The following CSMD1 variants were observed in gnomAD, a reference collection of about 807,000 sequenced individuals.
CSMD1 encodes the protein CUB and Sushi multiple domains 1, also known as CUB and sushi domain-containing protein 1.
Under a neutral mutation model 417.5 loss-of-function variants are expected in CSMD1, and 213 were observed. That is an observed-to-expected ratio of 0.51 (90% confidence interval 0.46 to 0.57). The LOEUF is 0.57. Among genes scored for constraint, CSMD1 ranks in the 20% least tolerant of loss-of-function variants. CSMD1 has a pLI of 0.00. For synonymous variants in CSMD1, 2,862 were observed against 1,736.8 expected (o/e 1.65, Z -16.11); for missense variants, 6,923 against 4,529.7 (o/e 1.53, Z -15.17).
chr8:4,980,498 A>G (rs562257958), intron 1 of CSMD1, among the ~76,000 whole-genome samples: 22 of 152,312 alleles, frequency 1.4e-4, no homozygotes, highest in Admixed American at 5.9e-4. Flanking sequence ...TGTAAAATGA[A>G]AGGAGAATTC....
intron 5 of CSMD1, among the ~76,000 whole-genome samples, chr8:3,889,059 A>G (rs1296492143): frequency 6.6e-6 from 1 of 152,110 alleles, no homozygotes; most frequent in Non-Finnish European, 1.5e-5. Flanking sequence ...GGAGCTTAAT[A>G]TGTTAACTAT....
intron 1 of CSMD1, among the ~76,000 whole-genome samples, chr8:4,950,154 A>G (rs916965897): frequency 6.6e-6 from 1 of 152,176 alleles, no homozygotes; most frequent in Non-Finnish European, 1.5e-5. Flanking sequence ...CCCATGTAGC[A>G]CACTTTTGTA....
intron 3 of CSMD1, among the ~76,000 whole-genome samples, chr8:4,171,590 A>T (rs189533642): frequency 7.9e-5 from 12 of 151,798 alleles, no homozygotes; most frequent in African/African-American, 2.9e-4. Context: ...ATACTACACA[A>T]TTCCTTAGGG....
At chr8:4,443,718 G>A (rs1281331872) in intron 2 of CSMD1, among the ~76,000 whole-genome samples, 1 of 152,152 alleles carries the variant, frequency 6.6e-6, no homozygotes, top group Non-Finnish European at 1.5e-5. Flanking sequence ...GCAGCAGTTG[G>A]CTAAAGATGA....
At chr8:4,985,801 C>G (rs1444237479) in intron 1 of CSMD1, among the ~76,000 whole-genome samples, 5 of 151,740 alleles carry the variant, frequency 3.3e-5, no homozygotes, top group Non-Finnish European at 7.4e-5. Context: ...ATAGCTGAAA[C>G]CATAAGACAA....
At position 4,383,982 on chromosome 8, in the gene CSMD1, A is replaced by T. The variant is rs1030805589; in HGVS notation, c.415+35971T>A. On this transcript the variant is annotated intron_variant, in intron 3 of 69. Coordinates refer to ENST00000635120, the MANE Select transcript of CSMD1 (RefSeq NM_033225.6). The stretch of plus-strand genomic sequence containing the variant: ...CAGCTCTCTCAACAGCATACCCTTT[A>T]AGTAGCACTTGGACAAGAAGGATCC... 1.2e-4 allele frequency among the ~76,000 whole-genome samples: 18 copies of T among 152,144 alleles called. 1 individual carries two copies. The highest frequency in any genetic ancestry group is 1.2e-3 in the Admixed American group (18 of 15,256).
chr8:3,302,089 A>G (rs1002282547), intron 25 of CSMD1, among the ~76,000 whole-genome samples: 20 of 152,176 alleles, frequency 1.3e-4, no homozygotes, highest in African/African-American at 4.8e-4. Context: ...AACACTGAAG[A>G]CTAAAGTCTC....
At chr8:3,456,463 A>C (rs1255902608) in intron 12 of CSMD1, among the ~76,000 whole-genome samples, 1 of 152,146 alleles carries the variant, frequency 6.6e-6, no homozygotes, top group Non-Finnish European at 1.5e-5. Flanking sequence ...CTATTTTCTA[A>C]TACAATTTAG....
At position 3,934,837 on chromosome 8, in the gene CSMD1, A is replaced by G. The variant is rs537480898; in HGVS notation, c.818+63066T>C. Among the ~76,000 whole-genome samples, 24 of 152,226 alleles carry G rather than the reference A, an allele frequency of 1.6e-4. 1 individual carries two copies. In the South Asian group the frequency reaches 4.6e-3, roughly 29 times the overall value. ...ACTCCAGCCTGGGCAACAGAGCAAG[A>G]CTCTGTCTCAATAAATAAATTAATT... is the stretch of plus-strand genomic sequence containing the variant. On this transcript the variant is annotated intron_variant, in intron 5 of 69. Transcript: ENST00000635120.
intron 1 of CSMD1, among the ~76,000 whole-genome samples, chr8:4,696,199 G>C (rs1298592664): frequency 2.0e-5 from 3 of 152,150 alleles, no homozygotes; most frequent in Admixed American, 6.5e-5. Context: ...TATGCATATA[G>C]GATATGTTAT....
chr8:4,031,315 T>G (rs966956640), intron 4 of CSMD1, among the ~76,000 whole-genome samples: 10 of 152,206 alleles, frequency 6.6e-5, no homozygotes, highest in Admixed American at 3.3e-4. Flanking sequence ...CCCAAGTGGC[T>G]GGGGAAGCCT....
chr8:4,383,951 T>C (rs1247571727), intron 3 of CSMD1, among the ~76,000 whole-genome samples: 2 of 152,208 alleles, frequency 1.3e-5, no homozygotes, highest in African/African-American at 4.8e-5. Flanking sequence ...TTCTCTTTTA[T>C]GGAAACAGCT....
chr8:3,724,474 T>C (rs1166282265), intron 6 of CSMD1, among the ~76,000 whole-genome samples: 2 of 152,208 alleles, frequency 1.3e-5, no homozygotes, highest in East Asian at 3.9e-4. Context: ...ATATTAAGTA[T>C]TGGTAGCTAT....
rs184244556 is a variant in CSMD1, at chr8:4,617,902, G to C, written c.302+19440C>G. ...ACCCCAGAACCTGGACCAATGCCTG[G>C]GACCCAGTTCCTATGCAATAACACT... On this transcript the variant is annotated intron_variant, in intron 2 of 69. Coordinates refer to ENST00000635120, the MANE Select transcript of CSMD1 (RefSeq NM_033225.6). Among the ~76,000 whole-genome samples the C allele has an allele frequency of 2.0e-5, 3 of 152,146 alleles. No homozygotes were observed. The East Asian group carries it at 5.8e-4, about 29-fold the overall frequency.
intron 22 of CSMD1, among the ~76,000 whole-genome samples, chr8:3,344,787 CAGAAA>C (rs1166142892): frequency 6.6e-6 from 1 of 152,090 alleles, no homozygotes; most frequent in African/African-American, 2.4e-5. Context: ...TATAGATACT[CAGAAA>C]AGGAGAAAAT....
chr8:2,935,698 C>T lies in CSMD1; in HGVS notation c.*2887G>A, dbSNP rs967061967. 1.3e-5 allele frequency: 2 copies of T among 152,076 alleles called. No homozygotes were observed. The highest frequency in any genetic ancestry group is 4.8e-5 in the African/African-American group (2 of 41,418). 9.4% of individuals were successfully genotyped at this position (152,076 alleles called of 1,614,324 possible). A position where few individuals can be genotyped will look rare whatever the true frequency, so the allele number is the denominator to read the frequency against. ...TGTACAAAAAGGTCTTTCGCACCTA[C>T]GTCGTGACAGCAGCGTGTGGTGGGA... is the stretch of plus-strand genomic sequence containing the variant. On this transcript the variant is annotated 3_prime_UTR_variant, in exon 70 of 70. Transcript: ENST00000635120.
chr8:3,994,740 G>C (rs367779954), intron 5 of CSMD1, among the ~76,000 whole-genome samples: 1 of 152,098 alleles, frequency 6.6e-6, no homozygotes, highest in Admixed American at 6.5e-5. Flanking sequence ...CCTATATTTA[G>C]ACTGCCTCCA....
In CSMD1 at chr8:2,938,189, G is replaced by A. The variant is rs1260127868; in HGVS notation, c.*396C>T. The A allele has an allele frequency of 5.9e-6, 1 of 169,912 alleles. No individual in the cohort carries two copies. Among genetic ancestry groups the A allele is most frequent in the Middle Eastern group, 2.8e-3 (1 of 360 alleles). The allele number at this position is 169,912 out of a possible 1,614,324, so 10.5% of individuals were successfully genotyped here. A position where few individuals can be genotyped will look rare whatever the true frequency, so the allele number is the denominator to read the frequency against. On this transcript the variant is annotated 3_prime_UTR_variant, in exon 70 of 70. Transcript: ENST00000635120. ...AACACAAGAGAACACATATCGTGGTGCCACCATTCTGTCACCGCACCTGAG... is the reference window on the plus strand; with the variant it reads ...AACACAAGAGAACACATATCGTGGTACCACCATTCTGTCACCGCACCTGAG...
At chr8:3,490,060 C>T (rs542004519) in intron 11 of CSMD1, among the ~76,000 whole-genome samples, 10 of 152,266 alleles carry the variant, frequency 6.6e-5, no homozygotes, top group Non-Finnish European at 1.0e-4. Context: ...AAGTATTTGT[C>T]GATGTATCGC....
Sources: gnomAD v4.1 joint callset for allele counts (sites outside exome capture counted in the v4.1 genomes callset) on GRCh38, gnomAD v4.1.1 for gene constraint, MANE v1.5 for transcripts, NCBI Gene and HGNC (gene_info 2026-07-23, HGNC 2026-07-21) for gene names.